The following SATB2 variants were observed in gnomAD, a reference collection of about 807,000 sequenced individuals.
SATB2 encodes the protein DNA-binding protein SATB2.
SATB2 carries 1 observed loss-of-function variant against 73.4 expected under a neutral mutation model. The ratio of observed to expected loss-of-function variants is 0.01; its 90% confidence interval spans 0.00 to 0.06. The LOEUF (loss-of-function observed/expected upper bound fraction) is 0.06, where lower values mean the gene tolerates loss of function less well. Among genes scored for constraint, SATB2 ranks in the 10% least tolerant of loss-of-function variants. The pLI, the probability that SATB2 is intolerant of heterozygous loss-of-function variation, is 1.00. For missense variants in SATB2, 459 were observed against 945.8 expected (o/e 0.49, Z 6.75); for synonymous variants, 397 against 367.0 (o/e 1.08, Z -0.93).
At chr2:199,345,257 C>G (rs187380514) in intron 7 of SATB2, among the ~76,000 whole-genome samples, 2 of 152,016 alleles carry the variant, frequency 1.3e-5, no homozygotes, top group Admixed American at 6.6e-5. Context: ...TTCTTCCTAG[C>G]GCCAAACTCA....
At chr2:199,276,916 CAA>C (rs1692329359) in intron 10 of SATB2, among the ~76,000 whole-genome samples, 1 of 152,124 alleles carries the variant, frequency 6.6e-6, no homozygotes, top group South Asian at 2.1e-4. Flanking sequence ...AGAAACAACC[CAA>C]GTGTCTACCA....
intron 6 of SATB2, among the ~76,000 whole-genome samples, chr2:199,354,466 G>A (rs1269454898): frequency 6.6e-6 from 1 of 152,172 alleles, no homozygotes; most frequent in African/African-American, 2.4e-5. Context: ...CCTTGAGGGT[G>A]AGCACTGGAG....
chr2:199,471,168 G>C (rs1692698522), exon 1 of SATB2: 1 of 152,442 alleles, frequency 6.6e-6, no homozygotes, highest in Admixed American at 6.5e-5. Flanking sequence ...CCCAAGGCAC[G>C]CGCAGATACC....
intron 10 of SATB2, among the ~76,000 whole-genome samples, chr2:199,273,260 T>C (rs564540649): frequency 5.3e-5 from 8 of 152,300 alleles, no homozygotes; most frequent in East Asian, 1.9e-4. Flanking sequence ...AAGGGCAAGA[T>C]AGTAAATATT....
At chr2:199,410,903 A>G (rs1252558160) in intron 3 of SATB2, among the ~76,000 whole-genome samples, 1 of 152,000 alleles carries the variant, frequency 6.6e-6, no homozygotes, top group African/African-American at 2.4e-5. Flanking sequence ...ATATAAAAAT[A>G]AAGTTTTTTT....
chr2:199,368,687 T>C lies in SATB2; in HGVS notation c.618A>G (p.Val206=). ...ACACATTGGCATAATATGTGCTATTTACAATGGATGAAATCATACTCTGAA... is the reference window on the plus strand; with the variant it reads ...ACACATTGGCATAATATGTGCTATTCACAATGGATGAAATCATACTCTGAA... The part of the protein sequence containing the change: ...PLSQSMISSI[V]NSTYYANVSA... Residue 206 remains valine, a synonymous_variant, in exon 6 of 11, where the codon GTA becomes GTG. Coordinates refer to ENST00000417098, the MANE Select transcript of SATB2 (RefSeq NM_001172509.2). 2 of 1,604,436 alleles carry C rather than the reference T, an allele frequency of 1.2e-6. No individual in the cohort carries two copies. Among genetic ancestry groups the C allele is most frequent in the Non-Finnish European group, 1.7e-6 (2 of 1,171,706 alleles).
chr2:199,342,834 CAT>C (rs1382096052), intron 7 of SATB2, among the ~76,000 whole-genome samples: 1 of 152,048 alleles, frequency 6.6e-6, no homozygotes, highest in Non-Finnish European at 1.5e-5. Flanking sequence ...TCTTAAAAGA[CAT>C]ATTTATTAAA....
chr2:199,309,486 A>G (rs139275905), intron 9 of SATB2, among the ~76,000 whole-genome samples: 16 of 152,382 alleles, frequency 1.0e-4, no homozygotes, highest in Non-Finnish European at 1.8e-4. Flanking sequence ...AAAGAAATGT[A>G]TATTTGCTCA....
At chr2:199,374,628 A>G (rs1037511064) in intron 5 of SATB2, among the ~76,000 whole-genome samples, 21 of 152,348 alleles carry the variant, frequency 1.4e-4, no homozygotes, top group Middle Eastern at 3.4e-3. Flanking sequence ...TAGGAGATGG[A>G]GCACATTGGA....
At chr2:199,404,889 C>T (rs928052347) in intron 3 of SATB2, among the ~76,000 whole-genome samples, 4 of 152,134 alleles carry the variant, frequency 2.6e-5, no homozygotes, top group Non-Finnish European at 4.4e-5. Flanking sequence ...CTCCCAGAAG[C>T]GCAAATCTCC....
At chr2:199,316,101 C>A (rs140226350) in intron 9 of SATB2, among the ~76,000 whole-genome samples, 1 of 152,080 alleles carries the variant, frequency 6.6e-6, no homozygotes, top group Admixed American at 6.6e-5. Flanking sequence ...ACAGACAGTT[C>A]GCTTTCTAAA....
intron 3 of SATB2, among the ~76,000 whole-genome samples, chr2:199,418,326 C>A (rs1691057763): frequency 6.6e-6 from 1 of 152,090 alleles, no homozygotes; most frequent in African/African-American, 2.4e-5. Context: ...TCAGTCAGAA[C>A]CAGATTGTAA....
At chr2:199,343,305 T>C (rs1378988031) in intron 7 of SATB2, among the ~76,000 whole-genome samples, 2 of 152,178 alleles carry the variant, frequency 1.3e-5, no homozygotes, top group Admixed American at 6.5e-5. Context: ...TTATTGAATT[T>C]GATAATATAT....
intron 10 of SATB2, among the ~76,000 whole-genome samples, chr2:199,296,079 G>A (rs890397104): frequency 2.0e-5 from 3 of 152,136 alleles, no homozygotes; most frequent in Non-Finnish European, 4.4e-5. Flanking sequence ...GTTTGGTTAC[G>A]ACAGTTTAAA....
At chr2:199,277,809 C>G (rs1005961844) in intron 10 of SATB2, among the ~76,000 whole-genome samples, 1 of 152,116 alleles carries the variant, frequency 6.6e-6, no homozygotes, top group East Asian at 1.9e-4. Flanking sequence ...TTTCACAGTA[C>G]TCTTAGAGGC....
chr2:199,329,239 A>G lies in SATB2; in HGVS notation c.1174-329T>C. The G allele has an allele frequency of 2.3e-5, 8 of 348,452 alleles. No homozygotes were observed. The South Asian group carries it at 2.3e-4, about 10-fold the overall frequency. The allele number at this position is 348,452 out of a possible 1,614,324, so 21.6% of individuals were successfully genotyped here. ...AGGTGCCTCCTACAAGTATTTCAGG[A>G]ACTGTTAGAACTCTCTCTGCTTGAA... On this transcript the variant is annotated intron_variant, in intron 7 of 10. Coordinates refer to ENST00000417098, the MANE Select transcript of SATB2 (RefSeq NM_001172509.2).
chr2:199,275,150 G>C (rs181875961), intron 10 of SATB2, among the ~76,000 whole-genome samples: 45 of 152,238 alleles, frequency 3.0e-4, no homozygotes, highest in Non-Finnish European at 4.6e-4. Flanking sequence ...CCATTTAATT[G>C]AATAATTAGA....
chr2:199,348,839 G>T lies in SATB2; in HGVS notation c.1035C>A (p.Ile345=), dbSNP rs150824088. The T allele has an allele frequency of 3.1e-5, 50 of 1,613,996 alleles. No individual in the cohort carries two copies. The African/African-American group carries it at 4.1e-4, about 13-fold the overall frequency. Residue 345 remains isoleucine (I), a synonymous_variant, in exon 7 of 11, where the codon ATC becomes ATA. Coordinates refer to ENST00000417098, the MANE Select transcript of SATB2 (RefSeq NM_001172509.2). ...INQQFLNHPP[I]PRAVKPEPTN... ...TTGGCTCTGGCTTAACTGCTCTGGG[G>T]ATGGGTGGATGGTTCAGGAACTGCT...
At chr2:199,344,354 CA>C (rs1399752146) in intron 7 of SATB2, among the ~76,000 whole-genome samples, 4 of 152,242 alleles carry the variant, frequency 2.6e-5, no homozygotes, top group Middle Eastern at 3.4e-3. Context: ...CAGACTTTCT[CA>C]AAAGGACCAG....
Sources: allele counts gnomAD v4.1 joint callset (sites outside exome capture counted in the v4.1 genomes callset), GRCh38; gene constraint gnomAD v4.1.1; transcripts MANE v1.5; gene names NCBI Gene and HGNC (gene_info 2026-07-23, HGNC 2026-07-21).